Variants in CBFA2T2 observed in about 807,000 individuals in gnomAD.
The protein encoded by CBFA2T2 is CBFA2/RUNX1 partner transcriptional co-repressor 2.
Under a neutral mutation model 62.2 loss-of-function variants are expected in CBFA2T2, and 11 were observed. That is an observed-to-expected ratio of 0.18 (90% CI 0.11 to 0.29). The LOEUF (loss-of-function observed/expected upper bound fraction) is 0.29, where lower values mean the gene tolerates loss of function less well. Among genes scored for constraint, CBFA2T2 ranks in the 10% least tolerant of loss-of-function variants. CBFA2T2 has a pLI of 1.00. For synonymous variants in CBFA2T2, 295 were observed against 287.5 expected, an observed-to-expected ratio of 1.03 and a Z score of -0.27; for missense variants, 592 against 774.1, an observed-to-expected ratio of 0.76 and a Z score of 2.79.
intron 1 of CBFA2T2, among the ~76,000 whole-genome samples, chr20:33,537,393 A>G (rs1478623332): frequency 1.3e-5 from 2 of 152,232 alleles, no homozygotes; most frequent in Non-Finnish European, 2.9e-5. Flanking sequence ...AGGCTGAGGC[A>G]GTAGAATCAG....
intron 1 of CBFA2T2, among the ~76,000 whole-genome samples, chr20:33,516,491 A>G (rs994489711): frequency 6.6e-6 from 1 of 152,010 alleles, no homozygotes; most frequent in Admixed American, 6.6e-5. Context: ...ATAAAAAACT[A>G]TAGCCAGGTG....
chr20:33,581,164 A>G (rs535935724), intron 1 of CBFA2T2, among the ~76,000 whole-genome samples: 35 of 151,884 alleles, frequency 2.3e-4, no homozygotes, highest in African/African-American at 7.0e-4. Context: ...CCCATGTTCA[A>G]GTGATTCTCC....
chr20:33,629,054 C>T (rs979760030), intron 7 of CBFA2T2, among the ~76,000 whole-genome samples: 3 of 152,168 alleles, frequency 2.0e-5, no homozygotes, highest in African/African-American at 4.8e-5. Context: ...TCTCTTAAGC[C>T]CAGGAGCCAA....
chr20:33,615,579 A>G (rs970744708), intron 3 of CBFA2T2, among the ~76,000 whole-genome samples: 2 of 152,236 alleles, frequency 1.3e-5, no homozygotes, highest in Admixed American at 6.5e-5. Context: ...ACTTCTCCCT[A>G]TTCCCCCCAA....
At chr20:33,641,747 T>A (rs2016848219) in intron 10 of CBFA2T2, among the ~76,000 whole-genome samples, 1 of 152,212 alleles carries the variant, frequency 6.6e-6, no homozygotes, top group Non-Finnish European at 1.5e-5. Context: ...CGTGCCTGGC[T>A]AATTTTCATA....
At chr20:33,550,040 A>G (rs1044132878) in intron 1 of CBFA2T2, among the ~76,000 whole-genome samples, 1 of 152,096 alleles carries the variant, frequency 6.6e-6, no homozygotes, top group Non-Finnish European at 1.5e-5. Flanking sequence ...TAGAATTTGG[A>G]CAGTTTTTTC....
Position 33,623,223 on chromosome 20 carries a change from A to G in CBFA2T2, c.619A>G (p.Ile207Val), listed in dbSNP as rs2016063265. ...CGAACACCTTCTGCTCAACACAAGCATTGCATCGCCTGCTGACTCGTCAGA... is the reference window on the plus strand; with the variant it reads ...CGAACACCTTCTGCTCAACACAAGCGTTGCATCGCCTGCTGACTCGTCAGA... ...QHEHLLLNTS[I>V]ASPADSSELL... Residue 207 changes from isoleucine to valine, a missense_variant, in exon 5 of 11, where the codon ATT (isoleucine) becomes GTT (valine). Ile to Val is a conservative substitution (Grantham distance 29). Coordinates refer to ENST00000342704, the MANE Select transcript of CBFA2T2 (RefSeq NM_001032999.3). 1.2e-6 allele frequency: 2 copies of G among 1,614,224 alleles called. No individual in the cohort carries two copies. Among genetic ancestry groups the G allele is most frequent in the Non-Finnish European group, 1.7e-6 (2 of 1,180,042 alleles).
At position 33,628,375 on chromosome 20, in the gene CBFA2T2, G is replaced by A. The variant is rs761485668; in HGVS notation, c.972G>A (p.Glu324=). The A allele has an allele frequency of 1.2e-6, 2 of 1,612,752 alleles. No homozygotes were observed. Among genetic ancestry groups the A allele is most frequent in the Admixed American group, 3.3e-5 (2 of 60,026 alleles). Residue 324 remains glutamate, a synonymous_variant, in exon 7 of 11, where the codon GAG becomes GAA. Coordinates refer to ENST00000342704, the MANE Select transcript of CBFA2T2 (RefSeq NM_001032999.3). ...SLGLNGGYQD[E]LVDHRLTERE... ...GTCTAAATGGAGGCTATCAAGATGA[G>A]TTGGTAGATCATCGTTTGACAGAAA...
At chr20:33,554,541 G>A (rs1035303312) in intron 1 of CBFA2T2, among the ~76,000 whole-genome samples, 2 of 149,634 alleles carry the variant, frequency 1.3e-5, no homozygotes, top group African/African-American at 4.9e-5. Context: ...GAGCCACTGC[G>A]CCCGGCCTAT....
intron 1 of CBFA2T2, among the ~76,000 whole-genome samples, chr20:33,582,621 G>A (rs1040550902): frequency 5.9e-5 from 9 of 152,120 alleles, no homozygotes; most frequent in African/African-American, 2.2e-4. Flanking sequence ...AGGAGTTCAA[G>A]ACCAGCTTGG....
intron 10 of CBFA2T2, 46 bp downstream of exon 10, chr20:33,640,577 C>T: frequency 6.4e-7 from 1 of 1,556,826 alleles, no homozygotes; most frequent in Non-Finnish European, 8.8e-7. Context: ...GCTGGAGTGA[C>T]CACGCCCGCT....
intron 1 of CBFA2T2, among the ~76,000 whole-genome samples, chr20:33,518,966 C>G (rs2011656172): frequency 4.6e-5 from 7 of 152,038 alleles, no homozygotes; most frequent in Admixed American, 3.3e-4. Context: ...GGACTACAGG[C>G]TCACAGCACC....
intron 1 of CBFA2T2, among the ~76,000 whole-genome samples, chr20:33,556,042 C>T (rs1489650668): frequency 6.6e-6 from 1 of 152,102 alleles, no homozygotes. Flanking sequence ...ATTTTTTTTA[C>T]TTTTTGTAGA....
chr20:33,631,547 A>G (rs888132495), intron 8 of CBFA2T2, among the ~76,000 whole-genome samples: 2 of 150,152 alleles, frequency 1.3e-5, no homozygotes, highest in African/African-American at 5.1e-5. Flanking sequence ...TTGCTGAGCC[A>G]AGATACAGCT....
chr20:33,590,808 G>A lies in CBFA2T2; in HGVS notation c.35-16148G>A, dbSNP rs149954069. Among the ~76,000 whole-genome samples, 111 of 152,168 alleles carry A rather than the reference G, an allele frequency of 7.3e-4. No individual in the cohort carries two copies. In the East Asian group the frequency reaches 8.7e-3, roughly 12 times the overall value. ...ATGGGCTGACTGGGCCTTTCTTTGC[G>A]CTGGGGGAATATTAAAAACTCGGTT... On this transcript the variant is annotated intron_variant, in intron 1 of 10. Coordinates refer to ENST00000342704, the MANE Select transcript of CBFA2T2 (RefSeq NM_001032999.3).
At chr20:33,611,479 T>A in intron 3 of CBFA2T2, 144 bp downstream of exon 3, 1 of 915,004 alleles carries the variant, frequency 1.1e-6, no homozygotes, top group Non-Finnish European at 1.6e-6. Context: ...TTGAATAACT[T>A]GTGTAAAACT....
chr20:33,562,623 A>G (rs2013131118), intron 1 of CBFA2T2: 1 of 985,538 alleles, frequency 1.0e-6, no homozygotes, highest in Admixed American at 6.1e-5. Flanking sequence ...TCTATTTCAA[A>G]TAAATTTGGT....
chr20:33,513,352 T>TG (rs140571874), intron 1 of CBFA2T2, among the ~76,000 whole-genome samples: 84 of 149,996 alleles, frequency 5.6e-4, no homozygotes, highest in East Asian at 1.6e-3. Flanking sequence ...TGGGTTTTTT[T>TG]GTTTTTTTTT....
Position 33,644,926 on chromosome 20 carries a change from C to T in CBFA2T2, c.*280C>T, listed in dbSNP as rs979156414. ...CTCTCTCCACTGAAGCTGACTTAGCCGGCCCCTTTTCAGTGTAGACCACCA... is the reference window on the plus strand; with the variant it reads ...CTCTCTCCACTGAAGCTGACTTAGCTGGCCCCTTTTCAGTGTAGACCACCA... On this transcript the variant is annotated 3_prime_UTR_variant, in exon 11 of 11. Coordinates refer to ENST00000342704, the MANE Select transcript of CBFA2T2 (RefSeq NM_001032999.3). 6 of 418,076 alleles carry T rather than the reference C, an allele frequency of 1.4e-5. No individual in the cohort carries two copies. Among genetic ancestry groups the T allele is most frequent in the South Asian group, 4.1e-5 (1 of 24,688 alleles). The allele number at this position is 418,076 out of a possible 1,614,324, so 25.9% of individuals were successfully genotyped here. A position where few individuals can be genotyped will look rare whatever the true frequency, so the allele number is the denominator to read the frequency against.
Sources: allele counts gnomAD v4.1 joint callset (sites outside exome capture counted in the v4.1 genomes callset), GRCh38; gene constraint gnomAD v4.1.1; transcripts MANE v1.5; gene names NCBI Gene and HGNC (gene_info 2026-07-23, HGNC 2026-07-21).